MYH4: variants seen among roughly 807,000 people sequenced by gnomAD.
MYH4 encodes myosin heavy chain 4.
MYH4 carries 200 observed loss-of-function variants against 229.9 expected under a neutral mutation model. That is an observed-to-expected ratio of 0.87 (90% confidence interval 0.78 to 0.98). MYH4 has a LOEUF of 0.98. Among genes scored for constraint, MYH4 ranks in the 50% least tolerant of loss-of-function variants. MYH4 has a pLI of 0.00. For missense variants in MYH4, 2,148 were observed against 2,332.6 expected (o/e 0.92, Z 1.63); for synonymous variants, 761 against 834.6 (o/e 0.91, Z 1.52).
Position 10,455,288 on chromosome 17 carries a change from C to T in MYH4, c.2182G>A (p.Val728Ile). ...LYADFKQRYK[V>I]LNASAIPEGQ... Reference sequence around the variant, plus strand: ...TCTGGGATAGCACTCGCATTTAGAACCTTGTATCTGTCAGAATAAAAAGAA... The same window carrying T: ...TCTGGGATAGCACTCGCATTTAGAATCTTGTATCTGTCAGAATAAAAAGAA... Residue 728 changes from valine to isoleucine, a missense_variant, in exon 20 of 40, where the codon GTT becomes ATT. Coordinates refer to ENST00000255381, the MANE Select transcript of MYH4 (RefSeq NM_017533.2). The T allele has an allele frequency of 6.2e-7, 1 of 1,610,904 alleles. No individual in the cohort carries two copies. The highest frequency in any genetic ancestry group is 1.3e-5 in the African/African-American group (1 of 74,812).
intron 14 of MYH4, among the ~76,000 whole-genome samples, 156 bp downstream of exon 14, chr17:10,459,796 C>T (rs2072680775): frequency 6.6e-6 from 1 of 152,032 alleles, no homozygotes; most frequent in Admixed American, 6.6e-5. Context: ...TTTCTCTTTT[C>T]CTATTTATAC....
intron 2 of MYH4, among the ~76,000 whole-genome samples, chr17:10,468,917 T>C (rs1232045721): frequency 6.6e-6 from 1 of 152,182 alleles, no homozygotes; most frequent in African/African-American, 2.4e-5. Context: ...CCCAGGCAAA[T>C]AGAATCAGTG....
chr17:10,446,441 A>G (rs980333494), intron 35 of MYH4, among the ~76,000 whole-genome samples: 15 of 152,204 alleles, frequency 9.9e-5, no homozygotes, highest in African/African-American at 3.4e-4. Flanking sequence ...TTTTTAACTT[A>G]CTATAATATA....
At chr17:10,449,514 C>T (rs532763499) in intron 30 of MYH4, among the ~76,000 whole-genome samples, 2 of 152,226 alleles carry the variant, frequency 1.3e-5, no homozygotes, top group Non-Finnish European at 2.9e-5. Context: ...GTTTTATTTA[C>T]TTTGAGGAAG....
chr17:10,465,516 C>G lies in MYH4; in HGVS notation c.431G>C (p.Arg144Pro). 1 of 1,614,098 alleles carries G rather than the reference C, an allele frequency of 6.2e-7. No homozygotes were observed. Among genetic ancestry groups the G allele is most frequent in the Non-Finnish European group, 8.5e-7 (1 of 1,180,026 alleles). Residue 144 changes from arginine (R) to proline (P), a missense_variant, in exon 5 of 40, where the codon CGA (arginine) becomes CCA (proline). Transcript: ENST00000255381. ...TGGGGCCTCCTGGCGCTTTTTGCCT[C>G]GGTAGGCTGTCACCACCTCAGGGTT... ...VYNPEVVTAY[R>P]GKKRQEAPPH...
rs762633844 is a variant in MYH4, at chr17:10,457,688, G to A, written c.1629C>T (p.Phe543=). ...TGAAGGAGGTGTCTGTTGCCTTGGG[G>A]AACATGCACTCCTCTTCTAGGATGG... is the stretch of plus-strand genomic sequence containing the variant. ...IFSILEEECM[F]PKATDTSFKN... The change falls in exon 16 of 40, where the codon TTC becomes TTT. Residue 543 remains phenylalanine (F), a synonymous_variant. Coordinates refer to ENST00000255381, the MANE Select transcript of MYH4 (RefSeq NM_017533.2). 2 of 1,614,144 alleles carry A rather than the reference G, an allele frequency of 1.2e-6. No homozygotes were observed. Among genetic ancestry groups the A allele is most frequent in the East Asian group, 4.5e-5 (2 of 44,890 alleles).
At chr17:10,455,409 C>T (rs778782206) in intron 19 of MYH4, 114 bp from the exon 20 acceptor site, 1 of 1,339,288 alleles carries the variant, frequency 7.5e-7, no homozygotes, top group Non-Finnish European at 1.0e-6. Flanking sequence ...GAACAAAATG[C>T]CATTTAAAAA....
In MYH4 at chr17:10,454,672, T is replaced by C. The variant is rs2072617440; in HGVS notation, c.2574A>G (p.Glu858=). Residue 858 remains glutamate (E), a synonymous_variant, in exon 22 of 40, where the codon GAA becomes GAG. Coordinates refer to ENST00000255381, the MANE Select transcript of MYH4 (RefSeq NM_017533.2). ...GCTCTTCTTTGGTTTTCTCAAATTC[T>C]TCCTTCATGTTGGCCATCTCCTTCT... is the stretch of plus-strand genomic sequence containing the variant. ...ETEKEMANMK[E]EFEKTKEELA... The C allele has an allele frequency of 6.2e-7, 1 of 1,614,134 alleles. No individual in the cohort carries two copies. Among genetic ancestry groups the C allele is most frequent in the Non-Finnish European group, 8.5e-7 (1 of 1,180,050 alleles).
In MYH4 at chr17:10,445,043, C is replaced by T. The variant is rs139900511; in HGVS notation, c.5399G>A (p.Arg1800His). ...MEQTVKDLQL[R>H]LDEAEQLALK... is the part of the protein sequence containing the mutation. ...CGCCAGCTGCTCAGCCTCATCCAGA[C>T]GGAGCTGCAGATCCTTCACGGTCTG... Residue 1800 changes from arginine (R) to histidine (H), a missense_variant, in exon 37 of 40, where the codon CGT becomes CAT. Arg to His is a conservative substitution (Grantham distance 29). Transcript: ENST00000255381. The T allele has an allele frequency of 1.2e-4, 200 of 1,614,032 alleles. 2 individuals carry two copies. The highest frequency in any genetic ancestry group is 1.4e-4 in the Non-Finnish European group (170 of 1,180,034).
rs987267402 is a variant in MYH4 at position 10,446,325 on chromosome 17, G to A, written c.5169+688C>T. Among the ~76,000 whole-genome samples the A allele has an allele frequency of 3.3e-5, 5 of 151,994 alleles. No individual in the cohort carries two copies. In the South Asian group the frequency reaches 1.0e-3, roughly 31 times the overall value. Reference sequence around the variant, plus strand: ...ACAAGAAACAAAAAATAATTACTGTGCTCTCACCAGAGATAAAGGATAAAC... The same window carrying A: ...ACAAGAAACAAAAAATAATTACTGTACTCTCACCAGAGATAAAGGATAAAC... On this transcript the variant is annotated intron_variant, in intron 35 of 39. Transcript: ENST00000255381.
chr17:10,452,699 A>G, intron 25 of MYH4, 88 bp downstream of exon 25: 1 of 1,432,026 alleles, frequency 7.0e-7, no homozygotes, highest in South Asian at 1.3e-5. Context: ...ATATGTCATG[A>G]TGTAACATTT....
At chr17:10,466,209 T>A in intron 4 of MYH4, 64 bp downstream of exon 4, 1 of 1,573,172 alleles carries the variant, frequency 6.4e-7, no homozygotes, top group African/African-American at 1.4e-5. Context: ...AACCCCTTAA[T>A]TTATTTTAGC....
chr17:10,454,707 C>T lies in MYH4; in HGVS notation c.2539G>A (p.Ala847Thr). The T allele has an allele frequency of 1.2e-6, 2 of 1,614,192 alleles. No individual in the cohort carries two copies. Among genetic ancestry groups the T allele is most frequent in the South Asian group, 1.1e-5 (1 of 91,088 alleles). ...TTGGCCATCTCCTTCTCTGTCTCTG[C>T]ACTCTTGAGGAGGGGCTTGATCTTG... ...YFKIKPLLKS[A>T]ETEKEMANMK... The change falls in exon 22 of 40, where the codon GCA becomes ACA. Residue 847 changes from alanine (A) to threonine (T), a missense_variant. By Grantham distance (58) the Ala-to-Thr change is moderately conservative. Transcript: ENST00000255381.
At position 10,451,980 on chromosome 17, in the gene MYH4, A is replaced by G. The variant is rs899022774; in HGVS notation, c.3699T>C (p.Asn1233=). The change falls in exon 27 of 40, where the codon AAT becomes AAC. Residue 1233 remains asparagine (N), a synonymous_variant. Transcript: ENST00000255381. ...KEKSELKMEI[N]DLASNMETVS... The stretch of plus-strand genomic sequence containing the variant: ...CAGTCTCCATGTTACTAGCAAGGTC[A>G]TTGATCTCCATCTTCAGCTCACTCT... The G allele has an allele frequency of 6.2e-7, 1 of 1,613,472 alleles. No individual in the cohort carries two copies. Among genetic ancestry groups the G allele is most frequent in the Non-Finnish European group, 8.5e-7 (1 of 1,179,648 alleles).
intron 35 of MYH4, among the ~76,000 whole-genome samples, 197 bp downstream of exon 35, chr17:10,446,816 A>G (rs2072516406): frequency 6.6e-6 from 1 of 152,158 alleles, no homozygotes; most frequent in South Asian, 2.1e-4. Context: ...GATTATTTCA[A>G]CTCAACATGA....
chr17:10,451,279 C>T, intron 28 of MYH4, 47 bp downstream of exon 28: 1 of 1,600,350 alleles, frequency 6.2e-7, no homozygotes, highest in East Asian at 2.2e-5. Context: ...AAAGGCTTGT[C>T]TTTCATTCGT....
rs1429411508 is a variant in MYH4, at chr17:10,443,347, TG to T, written c.*27del. The T allele has an allele frequency of 6.2e-7, 1 of 1,610,772 alleles. No individual in the cohort carries two copies. The highest frequency in any genetic ancestry group is 1.1e-5 in the South Asian group (1 of 90,848). On this transcript the variant is annotated 3_prime_UTR_variant, in exon 40 of 40. Transcript: ENST00000255381. This position sits in a 1 kb window ranked among gnomAD's most constrained non-coding sequence, Gnocchi z 4.6. ...GAACTTCACATTTCGTGCATTTCTT[TG>T]GTCACATTTTCTTTCATTAGAATGA...
In MYH4 at chr17:10,463,157, C is replaced by T. The variant is rs762925780; in HGVS notation, c.837G>A (p.Gln279=). The change falls in exon 10 of 40, where the codon CAG becomes CAA. Residue 279 remains glutamine, a synonymous_variant. Transcript: ENST00000255381. ...TGTGGTAGCTTCTTTCAGCCTTTAG[C>T]TGAAAAGTAACTCGGGACTTCTCTA... ...YLLEKSRVTF[Q]LKAERSYHIF... 3 of 1,613,544 alleles carry T rather than the reference C, an allele frequency of 1.9e-6. No individual in the cohort carries two copies. In the African/African-American group the frequency reaches 4.0e-5, roughly 22 times the overall value.
chr17:10,454,844 A>G (rs1006606264), intron 21 of MYH4, 34 bp from the exon 22 acceptor site: 1 of 1,611,020 alleles, frequency 6.2e-7, no homozygotes, highest in Non-Finnish European at 8.5e-7. Context: ...CAAATGGAGA[A>G]TAATGTGGAA....
Sources: allele counts gnomAD v4.1 joint callset (sites outside exome capture counted in the v4.1 genomes callset), GRCh38; gene constraint gnomAD v4.1.1; non-coding constraint Gnocchi (gnomAD v3.1); transcripts MANE v1.5; gene names NCBI Gene and HGNC (gene_info 2026-07-23, HGNC 2026-07-21).